The following FAM3C variants were observed in gnomAD, a reference collection of about 807,000 sequenced individuals.
FAM3C encodes protein FAM3C.
In FAM3C, 15 loss-of-function variants were observed where a neutral mutation model predicts 32.5. The observed-to-expected ratio is 0.46, with a 90% confidence interval of 0.31 to 0.71. The LOEUF is 0.71. FAM3C is among the 30% of genes least tolerant of loss of function. FAM3C has a pLI of 0.05. For missense variants in FAM3C, 175 were observed against 274.4 expected (o/e 0.64, Z 2.56); for synonymous variants, 75 against 86.1 (o/e 0.87, Z 0.72).
At chr7:121,365,141 T>C (rs1172029893) in intron 5 of FAM3C, among the ~76,000 whole-genome samples, 1 of 152,170 alleles carries the variant, frequency 6.6e-6, no homozygotes, top group Non-Finnish European at 1.5e-5. Flanking sequence ...ATCTACGATG[T>C]ACTTTATTAT....
At chr7:121,369,211 C>T (rs1352402998) in intron 5 of FAM3C, among the ~76,000 whole-genome samples, 1 of 151,930 alleles carries the variant, frequency 6.6e-6, no homozygotes, top group Non-Finnish European at 1.5e-5. Flanking sequence ...AGACTCCTGA[C>T]CTCAGGTGAT....
chr7:121,367,265 T>C (rs1794040232), intron 5 of FAM3C, among the ~76,000 whole-genome samples: 1 of 152,212 alleles, frequency 6.6e-6, no homozygotes, highest in African/African-American at 2.4e-5. Flanking sequence ...AAATATAGAT[T>C]TGTTTCAAAT....
chr7:121,373,398 T>A (rs1002060184), intron 3 of FAM3C, among the ~76,000 whole-genome samples: 1 of 152,154 alleles, frequency 6.6e-6, no homozygotes, highest in Non-Finnish European at 1.5e-5. Flanking sequence ...GCCAAACAGG[T>A]ACATTAGTTT....
At chr7:121,355,392 C>G (rs2536176) in intron 8 of FAM3C, among the ~76,000 whole-genome samples, 38,834 of 151,948 alleles carry the variant, frequency 0.26, 5,952 homozygotes, top group African/African-American at 0.44. Flanking sequence ...AAAAAGGCAA[C>G]AAAATTTTAG....
chr7:121,389,653 C>T (rs889422565), intron 1 of FAM3C, among the ~76,000 whole-genome samples: 14 of 151,944 alleles, frequency 9.2e-5, no homozygotes, highest in African/African-American at 3.1e-4. Flanking sequence ...CAAATATTGC[C>T]ATTACATCCT....
chr7:121,350,728 T>C (rs1036708255), intron 9 of FAM3C, among the ~76,000 whole-genome samples, 178 bp from the exon 10 acceptor site: 4 of 152,206 alleles, frequency 2.6e-5, no homozygotes, highest in Non-Finnish European at 5.9e-5. Context: ...ATGGCAGACC[T>C]TCAAATAACA....
chr7:121,381,158 T>C (rs747077225), intron 2 of FAM3C, among the ~76,000 whole-genome samples: 1 of 152,176 alleles, frequency 6.6e-6, no homozygotes, highest in Non-Finnish European at 1.5e-5. Context: ...ATTCCCATTC[T>C]TAGCTTTCCA....
At chr7:121,376,367 G>C (rs1388138416) in intron 3 of FAM3C, among the ~76,000 whole-genome samples, 1 of 152,154 alleles carries the variant, frequency 6.6e-6, no homozygotes, top group East Asian at 1.9e-4. Context: ...TTTAACTGAG[G>C]AATCACTGAT....
chr7:121,381,759 A>G (rs1239461461), intron 2 of FAM3C, among the ~76,000 whole-genome samples: 9 of 152,092 alleles, frequency 5.9e-5, no homozygotes, highest in Non-Finnish European at 1.0e-4. Flanking sequence ...GTTTCTGAGA[A>G]TATTTTTCTT....
chr7:121,388,983 ACTT>A (rs977121428), intron 1 of FAM3C, among the ~76,000 whole-genome samples: 3 of 152,134 alleles, frequency 2.0e-5, no homozygotes, highest in Non-Finnish European at 4.4e-5. Flanking sequence ...ACTTCGGAAA[ACTT>A]CTATCTACAG....
In FAM3C at chr7:121,373,733, G is replaced by A. The variant is rs987725710; in HGVS notation, c.119-1594C>T. 2.0e-5 allele frequency among the ~76,000 whole-genome samples: 3 copies of A among 152,036 alleles called. No homozygotes were observed. The East Asian group carries it at 5.8e-4, about 29-fold the overall frequency. ...ATAAATAAATTCAATAGAACATTAA[G>A]TATTTATGGCCGGGTGCAGTGGCTC... On this transcript the variant is annotated intron_variant, in intron 3 of 9. Transcript: ENST00000359943.
chr7:121,364,016 G>T, intron 6 of FAM3C, 114 bp downstream of exon 6: 1 of 720,806 alleles, frequency 1.4e-6, no homozygotes, highest in East Asian at 2.6e-5. Context: ...ATGGGACAGA[G>T]GGCTTTATCA....
At chr7:121,381,656 C>CCACACACA (rs67277678) in intron 2 of FAM3C, among the ~76,000 whole-genome samples, 4,753 of 142,250 alleles carry the variant, frequency 0.033, 84 homozygotes, top group South Asian at 0.066. Flanking sequence ...CAAAGAACAT[C>CCACACACA]CACACACACA....
intron 1 of FAM3C, among the ~76,000 whole-genome samples, chr7:121,387,961 C>T (rs1354752947): frequency 6.6e-6 from 1 of 152,074 alleles, no homozygotes; most frequent in Non-Finnish European, 1.5e-5. Context: ...CAACTATACA[C>T]ACATCTTTGC....
chr7:121,387,670 T>C (rs1794491039), intron 1 of FAM3C, among the ~76,000 whole-genome samples: 1 of 152,034 alleles, frequency 6.6e-6, no homozygotes. Flanking sequence ...TCCCAGGAAA[T>C]GTAAAGAAAC....
At chr7:121,357,099 G>A (rs748378258) in intron 8 of FAM3C, among the ~76,000 whole-genome samples, 1 of 152,054 alleles carries the variant, frequency 6.6e-6, no homozygotes, top group Admixed American at 6.6e-5. Context: ...AAAGGACAGG[G>A]GTTCTACCAA....
At chr7:121,366,459 T>C (rs1794025917) in intron 5 of FAM3C, among the ~76,000 whole-genome samples, 1 of 152,152 alleles carries the variant, frequency 6.6e-6, no homozygotes, top group South Asian at 2.1e-4. Context: ...ATACCACTTA[T>C]ATGAACTGTC....
At chr7:121,374,310 T>G (rs1794201537) in intron 3 of FAM3C, among the ~76,000 whole-genome samples, 1 of 152,210 alleles carries the variant, frequency 6.6e-6, no homozygotes. Flanking sequence ...TATAAAAAAT[T>G]GTTTTTAAAA....
At chr7:121,371,238 T>G in intron 5 of FAM3C, 62 bp downstream of exon 5, 1 of 1,568,756 alleles carries the variant, frequency 6.4e-7, no homozygotes, top group Non-Finnish European at 8.7e-7. Flanking sequence ...TCCATTAAAC[T>G]CAGGTTCAAT....
Sources: gnomAD v4.1 joint callset for allele counts (sites outside exome capture counted in the v4.1 genomes callset) on GRCh38, gnomAD v4.1.1 for gene constraint, MANE v1.5 for transcripts, NCBI Gene and HGNC (gene_info 2026-07-23, HGNC 2026-07-21) for gene names.